PATE3: variants seen among roughly 807,000 people sequenced by gnomAD.
PATE3 encodes the protein prostate and testis expressed 3, also known as prostate and testis expressed protein 3.
Under a neutral mutation model 7.4 loss-of-function variants are expected in PATE3, and 7 were observed. That is an observed-to-expected ratio of 0.95 (90% CI 0.54 to 1.78). The LOEUF (loss-of-function observed/expected upper bound fraction) is 1.78. Among genes scored for constraint, PATE3 ranks in the 40% most tolerant of loss-of-function variants. The probability of loss-of-function intolerance (pLI) is 0.00; values close to 1 mark genes in which losing one functional copy is unlikely to be tolerated. For synonymous variants in PATE3, 38 were observed against 40.2 expected, an observed-to-expected ratio of 0.94 and a Z score of 0.21; for missense variants, 117 against 122.5, an observed-to-expected ratio of 0.96 and a Z score of 0.21.
In PATE3 at chr11:125,790,584, C is replaced by T. The variant is rs1004219547; in HGVS notation, c.279C>T (p.Tyr93=). The T allele has an allele frequency of 1.7e-5, 26 of 1,551,302 alleles. No individual in the cohort carries two copies. Among genetic ancestry groups the T allele is most frequent in the Non-Finnish European group, 1.9e-5 (22 of 1,146,842 alleles). The change falls in exon 3 of 3, where the codon TAC becomes TAT. Residue 93 remains tyrosine (Y), a synonymous_variant. Coordinates refer to ENST00000445202, the MANE Select transcript of PATE3 (RefSeq NM_001129883.4). ...TYVHTCCNYN[Y]CNFKL Reference sequence around the variant, plus strand: ...TTCATACATGCTGCAACTACAATTACTGTAACTTTAAACTCTAAGATATTT... The same window carrying T: ...TTCATACATGCTGCAACTACAATTATTGTAACTTTAAACTCTAAGATATTT...
chr11:125,788,331 C>T (rs1391252300), intron 1 of PATE3, 131 bp downstream of exon 1: 1 of 737,050 alleles, frequency 1.4e-6, no homozygotes, highest in Non-Finnish European at 2.2e-6. Flanking sequence ...AGCCAGCCTC[C>T]AGAATGCTCC....
chr11:125,789,111 G>A (rs1173486927), intron 1 of PATE3, among the ~76,000 whole-genome samples: 2 of 152,148 alleles, frequency 1.3e-5, no homozygotes, highest in Non-Finnish European at 2.9e-5. Flanking sequence ...AGCTAGAGAA[G>A]TCAATGACAT....
chr11:125,788,854 C>T (rs1943587036), intron 1 of PATE3, among the ~76,000 whole-genome samples: 1 of 152,248 alleles, frequency 6.6e-6, no homozygotes, highest in Admixed American at 6.5e-5. Context: ...TTCAGGTGCA[C>T]TAGGGAAATT....
Position 125,790,959 on chromosome 11 carries a change from T to C in PATE3, c.*357T>C, listed in dbSNP as rs1253890423. ...ACACTAGAAAGCCTTCAGCTAAAAA[T>C]TCACAATATTTTTATCTAAAATTCC... On this transcript the variant is annotated 3_prime_UTR_variant, in exon 3 of 3. Coordinates refer to ENST00000445202, the MANE Select transcript of PATE3 (RefSeq NM_001129883.4). The C allele has an allele frequency of 1.2e-5, 2 of 162,272 alleles. No individual in the cohort carries two copies. Among genetic ancestry groups the C allele is most frequent in the Non-Finnish European group, 2.7e-5 (2 of 75,136 alleles). The allele number at this position is 162,272 out of a possible 1,614,324, so 10.1% of individuals were successfully genotyped here. A position where few individuals can be genotyped will look rare whatever the true frequency, so the allele number is the denominator to read the frequency against.
chr11:125,789,577 C>T (rs1375674114), intron 2 of PATE3, 69 bp downstream of exon 2: 2 of 1,491,250 alleles, frequency 1.3e-6, no homozygotes, highest in African/African-American at 1.4e-5. Context: ...TCAGCAATTT[C>T]ACATCTCAAG....
chr11:125,789,153 G>A (rs1179926587), intron 1 of PATE3, among the ~76,000 whole-genome samples: 2 of 152,124 alleles, frequency 1.3e-5, no homozygotes, highest in Non-Finnish European at 2.9e-5. Context: ...AGTTATCCAG[G>A]TTAAAAGGGC....
Position 125,790,484 on chromosome 11 carries a change from C to T in PATE3, c.179C>T (p.Thr60Ile), listed in dbSNP as rs771884421. 1.9e-6 allele frequency: 3 copies of T among 1,549,952 alleles called. No homozygotes were observed. The highest frequency in any genetic ancestry group is 2.6e-6 in the Non-Finnish European group (3 of 1,146,388). The change falls in exon 3 of 3, where the codon ACT (threonine) becomes ATT (isoleucine). Residue 60 changes from threonine to isoleucine, a missense_variant. By Grantham distance (89) the Thr-to-Ile change is moderately conservative. Transcript: ENST00000445202. ...CMLLRIYQRN[T>I]LQISYMVCQK... ...TGGTTCTTTCCTATTTTAGGCAATA[C>T]TCTCCAGATATCATACATGGTGTGT... is the stretch of plus-strand genomic sequence containing the variant.
At position 125,791,414 on chromosome 11, in the gene PATE3, C is replaced by A. The variant is rs898717940; in HGVS notation, c.*812C>A. Reference sequence around the variant, plus strand: ...AGGTCCTTCGAAGCTTTGCCCCATGCGTCAGATGGCACCTGAGGCATATAA... The same window carrying A: ...AGGTCCTTCGAAGCTTTGCCCCATGAGTCAGATGGCACCTGAGGCATATAA... On this transcript the variant is annotated 3_prime_UTR_variant, in exon 3 of 3. Coordinates refer to ENST00000445202, the MANE Select transcript of PATE3 (RefSeq NM_001129883.4). 1.3e-5 allele frequency: 2 copies of A among 152,198 alleles called. No individual in the cohort carries two copies. The highest frequency in any genetic ancestry group is 1.9e-4 in the East Asian group (1 of 5,202). 9.4% of individuals were successfully genotyped at this position (152,198 alleles called of 1,614,324 possible).
Position 125,789,492 on chromosome 11 carries a change from C to T in PATE3, c.156C>T (p.Leu52=). Residue 52 remains leucine, a synonymous_variant, in exon 2 of 3, where the codon CTC becomes CTT. Transcript: ENST00000445202. ...CTAQKGEACM[L]LRIYQRNTLQ... ...CTCAGAAGGGCGAGGCATGCATGCTCTTAAGGATTTACCAGCGTAAGTTAG... is the reference window on the plus strand; with the variant it reads ...CTCAGAAGGGCGAGGCATGCATGCTTTTAAGGATTTACCAGCGTAAGTTAG... The T allele has an allele frequency of 7.1e-6, 11 of 1,551,368 alleles. No homozygotes were observed. The highest frequency in any genetic ancestry group is 2.0e-5 in the Admixed American group (1 of 50,998).
At chr11:125,789,296 A>G (rs964168519) in intron 1 of PATE3, 90 bp from the exon 2 acceptor site, 38 of 1,361,498 alleles carry the variant, frequency 2.8e-5, no homozygotes, top group Admixed American at 2.3e-4. Context: ...CCCCTCCACT[A>G]TTCATTCCCC....
At position 125,790,678 on chromosome 11, in the gene PATE3, T is replaced by C; in HGVS notation, c.*76T>C. On this transcript the variant is annotated 3_prime_UTR_variant, in exon 3 of 3. Coordinates refer to ENST00000445202, the MANE Select transcript of PATE3 (RefSeq NM_001129883.4). Reference sequence around the variant, plus strand: ...TCCTTCACACTCTGCTGGCCCTTGCTTCCCTTCCGTGTCTGTCCTGACAAT... The same window carrying C: ...TCCTTCACACTCTGCTGGCCCTTGCCTCCCTTCCGTGTCTGTCCTGACAAT... 1 of 1,431,566 alleles carries C rather than the reference T, an allele frequency of 7.0e-7. No individual in the cohort carries two copies. Among genetic ancestry groups the C allele is most frequent in the Admixed American group, 2.1e-5 (1 of 47,844 alleles). 88.7% of individuals were successfully genotyped at this position (1,431,566 alleles called of 1,614,324 possible). A position where few individuals can be genotyped will look rare whatever the true frequency, so the allele number is the denominator to read the frequency against.
Position 125,790,814 on chromosome 11 carries a change from C to T in PATE3, c.*212C>T. The T allele has an allele frequency of 2.2e-6, 1 of 450,386 alleles. No homozygotes were observed. Among genetic ancestry groups the T allele is most frequent in the Non-Finnish European group, 3.9e-6 (1 of 258,466 alleles). 27.9% of individuals were successfully genotyped at this position (450,386 alleles called of 1,614,324 possible). A position where few individuals can be genotyped will look rare whatever the true frequency, so the allele number is the denominator to read the frequency against. Reference sequence around the variant, plus strand: ...AATAGTGGTTCTGAACAATGGATTTCTTCTATTATTGGGATTATTGGCATG... The same window carrying T: ...AATAGTGGTTCTGAACAATGGATTTTTTCTATTATTGGGATTATTGGCATG... On this transcript the variant is annotated 3_prime_UTR_variant, in exon 3 of 3. Transcript: ENST00000445202.
intron 2 of PATE3, 122 bp downstream of exon 2, chr11:125,789,630 C>T: frequency 8.8e-7 from 1 of 1,132,928 alleles, no homozygotes; most frequent in Non-Finnish European, 1.2e-6. Context: ...GGTGGTAGCA[C>T]AGGTCCCTGT....
At chr11:125,789,573 A>G in intron 2 of PATE3, 65 bp downstream of exon 2, 1 of 1,498,354 alleles carries the variant, frequency 6.7e-7, no homozygotes, top group South Asian at 1.3e-5. Flanking sequence ...TGCTTCAGCA[A>G]TTTCACATCT....
In PATE3 at chr11:125,791,363, A is replaced by T. The variant is rs1176956174; in HGVS notation, c.*761A>T. ...TCCATTATCACCTCCCCATTGCCAC[A>T]CAACCTCTCCCTGTAGAGAGGCAGG... On this transcript the variant is annotated 3_prime_UTR_variant, in exon 3 of 3. Transcript: ENST00000445202. 6.6e-6 allele frequency: 1 copy of T among 151,898 alleles called. No individual in the cohort carries two copies. Among genetic ancestry groups the T allele is most frequent in the Non-Finnish European group, 1.5e-5 (1 of 68,020 alleles). 9.4% of individuals were successfully genotyped at this position (151,898 alleles called of 1,614,324 possible).
chr11:125,788,316 G>C, intron 1 of PATE3, 116 bp downstream of exon 1: 2 of 891,850 alleles, frequency 2.2e-6, no homozygotes, highest in Non-Finnish European at 3.4e-6. Context: ...TTATGAGCCA[G>C]GGGAAGCCAG....
intron 2 of PATE3, 88 bp downstream of exon 2, chr11:125,789,596 C>T: frequency 7.0e-7 from 1 of 1,430,744 alleles, no homozygotes; most frequent in Non-Finnish European, 9.4e-7. Context: ...AGAGAAGAAC[C>T]AATGCAGAAT....
At chr11:125,788,872 A>T (rs1404552679) in intron 1 of PATE3, among the ~76,000 whole-genome samples, 2 of 152,174 alleles carry the variant, frequency 1.3e-5, no homozygotes, top group South Asian at 2.1e-4. Context: ...ATTTTTTTAA[A>T]TTAAACCTGT....
Position 125,790,490 on chromosome 11 carries a change from A to G in PATE3, c.185A>G (p.Gln62Arg), listed in dbSNP as rs1311442159. ...TTTCCTATTTTAGGCAATACTCTCC[A>G]GATATCATACATGGTGTGTCAGAAA... The part of the protein sequence containing the change: ...LLRIYQRNTL[Q>R]ISYMVCQKFC... Residue 62 changes from glutamine (Q) to arginine (R), a missense_variant, in exon 3 of 3, where the codon CAG (glutamine) becomes CGG (arginine). Coordinates refer to ENST00000445202, the MANE Select transcript of PATE3 (RefSeq NM_001129883.4). The G allele has an allele frequency of 1.9e-6, 3 of 1,550,948 alleles. No homozygotes were observed. The highest frequency in any genetic ancestry group is 3.9e-5 in the Admixed American group (2 of 50,968).
Sources: gnomAD v4.1 joint callset for allele counts (sites outside exome capture counted in the v4.1 genomes callset) on GRCh38, gnomAD v4.1.1 for gene constraint, MANE v1.5 for transcripts, NCBI Gene and HGNC (gene_info 2026-07-23, HGNC 2026-07-21) for gene names.